Variants in ROBO2 observed in about 807,000 individuals in gnomAD.
The protein encoded by ROBO2 is roundabout homolog 2.
ROBO2 carries 53 observed loss-of-function variants against 160.8 expected under a neutral mutation model. The ratio of observed to expected loss-of-function variants is 0.33; its 90% CI spans 0.26 to 0.41. The LOEUF is 0.41. Among genes scored for constraint, ROBO2 ranks in the 10% least tolerant of loss-of-function variants. The probability of loss-of-function intolerance (pLI) is 1.00; values close to 1 mark genes in which losing one functional copy is unlikely to be tolerated. For missense variants in ROBO2, 1,577 were observed against 1,722.4 expected, an observed-to-expected ratio of 0.92 and a Z score of 1.49; for synonymous variants, 664 against 611.7, an observed-to-expected ratio of 1.09 and a Z score of -1.26.
At chr3:76,337,584 G>C (rs140298618) in intron 2 of ROBO2, among the ~76,000 whole-genome samples, 108 of 152,162 alleles carry the variant, frequency 7.1e-4, no homozygotes, top group African/African-American at 2.5e-3. Context: ...CACTTACCTA[G>C]TAAGTCATAG....
chr3:76,246,864 C>T (rs561952868), intron 2 of ROBO2, among the ~76,000 whole-genome samples: 1 of 152,164 alleles, frequency 6.6e-6, no homozygotes, highest in African/African-American at 2.4e-5. Context: ...CAAATCCTTC[C>T]TATCATTTAT....
At chr3:76,904,848 C>T (rs1577374056) in intron 2 of ROBO2, among the ~76,000 whole-genome samples, 1 of 152,158 alleles carries the variant, frequency 6.6e-6, no homozygotes, top group African/African-American at 2.4e-5. Context: ...TCTTTTATTT[C>T]TGATTCATGT....
rs2092988150 is a variant in ROBO2, at chr3:77,553,285, C to G, written c.1231+2296C>G. ...CACCCATATAAGATGGTAAACTTAA[C>G]TGGTAAATGTGTGTGCTCTGGTTTC... is the stretch of plus-strand genomic sequence containing the variant. On this transcript the variant is annotated intron_variant, in intron 8 of 25. Coordinates refer to ENST00000461745, the Ensembl canonical transcript of ROBO2. 4.6e-5 allele frequency among the ~76,000 whole-genome samples: 7 copies of G among 152,028 alleles called. No homozygotes were observed. The South Asian group carries it at 1.5e-3, about 32-fold the overall frequency.
At chr3:77,063,880 C>T (rs1038716555) in intron 1 of ROBO2, among the ~76,000 whole-genome samples, 1 of 152,126 alleles carries the variant, frequency 6.6e-6, no homozygotes, top group African/African-American at 2.4e-5. Flanking sequence ...TGAACATATA[C>T]AATTTATGTG....
intron 2 of ROBO2, among the ~76,000 whole-genome samples, chr3:76,083,012 GA>G (rs1487058245): frequency 6.6e-6 from 1 of 152,048 alleles, no homozygotes; most frequent in Non-Finnish European, 1.5e-5. Flanking sequence ...AATGAGGGAG[GA>G]AAGATTAAAA....
At chr3:76,027,579 A>C (rs2066785885) in intron 2 of ROBO2, among the ~76,000 whole-genome samples, 2 of 151,916 alleles carry the variant, frequency 1.3e-5, no homozygotes, top group Admixed American at 1.3e-4. Context: ...AAGTACATGA[A>C]AATAATATAA....
intron 2 of ROBO2, among the ~76,000 whole-genome samples, chr3:77,270,117 A>G (rs1217356306): frequency 6.6e-6 from 1 of 152,224 alleles, no homozygotes; most frequent in Admixed American, 6.5e-5. Context: ...TAGTTAATAT[A>G]GCTATAATGA....
At chr3:77,383,257 A>C (rs1312492951) in intron 2 of ROBO2, among the ~76,000 whole-genome samples, 1 of 152,116 alleles carries the variant, frequency 6.6e-6, no homozygotes, top group Non-Finnish European at 1.5e-5. Context: ...TGAAAATAAT[A>C]ATTGTGCTTT....
At chr3:77,583,174 A>AC (rs1181531564) in intron 16 of ROBO2, among the ~76,000 whole-genome samples, 2 of 148,536 alleles carry the variant, frequency 1.3e-5, no homozygotes, top group Non-Finnish European at 3.0e-5. Context: ...AAAAAAAAAA[A>AC]GGAAAAAACA....
chr3:77,279,409 A>G (rs935473889), intron 2 of ROBO2, among the ~76,000 whole-genome samples: 1 of 152,156 alleles, frequency 6.6e-6, no homozygotes, highest in East Asian at 1.9e-4. Flanking sequence ...AAAGTTTGTA[A>G]TTAACAAATT....
chr3:76,843,764 G>A (rs1387886461), intron 2 of ROBO2, among the ~76,000 whole-genome samples: 3 of 150,434 alleles, frequency 2.0e-5, no homozygotes, highest in African/African-American at 7.3e-5. Context: ...ATCCCCAGGT[G>A]ATTTGTCTAT....
chr3:76,267,991 G>A (rs944570627), intron 2 of ROBO2, among the ~76,000 whole-genome samples: 17 of 152,086 alleles, frequency 1.1e-4, no homozygotes, highest in African/African-American at 2.9e-4. Context: ...ATAAAAACTC[G>A]AAATGCATGA....
intron 2 of ROBO2, among the ~76,000 whole-genome samples, chr3:76,201,754 G>A (rs942277405): frequency 6.6e-6 from 1 of 151,946 alleles, no homozygotes; most frequent in South Asian, 2.1e-4. Context: ...AGTTTGCTGG[G>A]CTGCACAGGG....
intron 2 of ROBO2, among the ~76,000 whole-genome samples, chr3:77,194,454 T>G (rs11709706): frequency 0.2 from 29,844 of 152,178 alleles, 3,374 homozygotes; most frequent in Middle Eastern, 0.31. Flanking sequence ...CCTTCTTACA[T>G]TAAAATCTTC....
At chr3:77,403,248 C>A (rs1300105127) in intron 2 of ROBO2, among the ~76,000 whole-genome samples, 1 of 152,176 alleles carries the variant, frequency 6.6e-6, no homozygotes, top group African/African-American at 2.4e-5. Context: ...AATCTACTTT[C>A]AGCGATGTTC....
chr3:76,584,951 T>A (rs771974031), intron 2 of ROBO2, among the ~76,000 whole-genome samples: 1 of 152,188 alleles, frequency 6.6e-6, no homozygotes, highest in Non-Finnish European at 1.5e-5. Context: ...TGAATAAAAA[T>A]ACTTCATCAT....
At chr3:76,498,086 A>G (rs754873233) in intron 2 of ROBO2, among the ~76,000 whole-genome samples, 6 of 152,182 alleles carry the variant, frequency 3.9e-5, no homozygotes, top group Non-Finnish European at 8.8e-5. Flanking sequence ...AAAAATTTTC[A>G]GTGGTATGTT....
intron 2 of ROBO2, among the ~76,000 whole-genome samples, chr3:75,981,806 C>T (rs1026161840): frequency 2.0e-5 from 3 of 151,308 alleles, no homozygotes; most frequent in African/African-American, 7.3e-5. Flanking sequence ...TTAAAATATA[C>T]AATTAAATTA....
intron 2 of ROBO2, among the ~76,000 whole-genome samples, chr3:76,546,705 T>A (rs9872807): frequency 0.047 from 7,104 of 152,056 alleles, 195 homozygotes; most frequent in African/African-American, 0.073. Flanking sequence ...GAAATTAATA[T>A]GTTACCCACC....
Sources: gnomAD v4.1 joint callset for allele counts (sites outside exome capture counted in the v4.1 genomes callset) on GRCh38, gnomAD v4.1.1 for gene constraint, MANE v1.5 for transcripts, NCBI Gene and HGNC (gene_info 2026-07-23, HGNC 2026-07-21) for gene names.